CLASRP: variants seen among roughly 807,000 people sequenced by gnomAD.
CLASRP encodes CLK4 associating serine/arginine rich protein.
Under a neutral mutation model 99.9 loss-of-function variants are expected in CLASRP, and 52 were observed. The ratio of observed to expected loss-of-function variants is 0.52; its 90% CI spans 0.42 to 0.66. The LOEUF is 0.66. CLASRP is among the 30% of genes least tolerant of loss of function. The pLI is 0.00. For missense variants in CLASRP, 848 were observed against 999.2 expected, an observed-to-expected ratio of 0.85 and a Z score of 2.04; for synonymous variants, 379 against 373.0, an observed-to-expected ratio of 1.02 and a Z score of -0.18.
chr19:45,066,799 GGAGAGTCCCACCAGTGTCCT>G lies in CLASRP; in HGVS notation c.1410-534_1410-515del, dbSNP rs576336103. On this transcript the variant is annotated intron_variant, in intron 13 of 20. Transcript: ENST00000221455. ...GCCAGCCTGAGAGTGGGCAGTGGGT[GGAGAGTCCCACCAGTGTCCT>G]GAGCAGGGAGAGGATGGGGTTCCGC... 1.3e-3 allele frequency among the ~76,000 whole-genome samples: 193 copies of G among 152,168 alleles called. 1 individual carries two copies. Among genetic ancestry groups the G allele is most frequent in the African/African-American group, 4.3e-3 (180 of 41,518 alleles).
intron 13 of CLASRP, among the ~76,000 whole-genome samples, chr19:45,065,564 A>G (rs1467196926): frequency 8.4e-5 from 11 of 130,656 alleles, no homozygotes; most frequent in South Asian, 5.8e-4. Flanking sequence ...GCGTCTCAAG[A>G]AAAAAAAAAA....
chr19:45,057,646 C>A, intron 6 of CLASRP, 104 bp from the exon 7 acceptor site: 2 of 1,343,418 alleles, frequency 1.5e-6, no homozygotes, highest in Non-Finnish European at 2.1e-6. Context: ...TGAGGGAGAG[C>A]CTGAGGGGAG....
chr19:45,040,543 C>A, intron 2 of CLASRP: 1 of 402,288 alleles, frequency 2.5e-6, no homozygotes, highest in Non-Finnish European at 4.7e-6. Context: ...CCGGTGTTAG[C>A]AAGAAAAAGG....
chr19:45,053,199 G>C, intron 5 of CLASRP, 22 bp downstream of exon 5: 1 of 1,611,440 alleles, frequency 6.2e-7, no homozygotes, highest in Non-Finnish European at 8.5e-7. Flanking sequence ...GTGGGGGGAC[G>C]TGGGGTGTGG....
intron 20 of CLASRP, 85 bp from the exon 21 acceptor site, chr19:45,070,718 G>A: frequency 7.5e-7 from 1 of 1,336,212 alleles, no homozygotes; most frequent in Non-Finnish European, 1.1e-6. Flanking sequence ...ACAGACAAGT[G>A]CCCCGATCAC....
chr19:45,055,312 G>A (rs1469269223), intron 5 of CLASRP, among the ~76,000 whole-genome samples: 1 of 152,248 alleles, frequency 6.6e-6, no homozygotes, highest in African/African-American at 2.4e-5. Flanking sequence ...AGAGCAGCCT[G>A]TGCAAAGCCC....
chr19:45,060,685 T>G lies in CLASRP; in HGVS notation c.863+58T>G. 1 of 1,360,662 alleles carries G rather than the reference T, an allele frequency of 7.3e-7. No homozygotes were observed. The highest frequency in any genetic ancestry group is 1.0e-6 in the Non-Finnish European group (1 of 1,002,650). The allele number at this position is 1,360,662 out of a possible 1,614,324, so 84.3% of individuals were successfully genotyped here. A position where few individuals can be genotyped will look rare whatever the true frequency, so the allele number is the denominator to read the frequency against. ...GCATCTGGGGGAGGAGAGCAGGGGC[T>G]TAGGGCCTGAGAAAGCTCTTTGGAG... On this transcript the variant is annotated intron_variant, in intron 10 of 20. Transcript: ENST00000221455. This position sits in a 1 kb window ranked among gnomAD's most constrained non-coding sequence, Gnocchi z 4.6.
chr19:45,055,370 C>T (rs1054443954), intron 5 of CLASRP, among the ~76,000 whole-genome samples: 1 of 152,160 alleles, frequency 6.6e-6, no homozygotes, highest in Non-Finnish European at 1.5e-5. Flanking sequence ...AGAGAAGGCC[C>T]GTGTGGCTGG....
At position 45,068,485 on chromosome 19, in the gene CLASRP, G is replaced by A. The variant is rs772055939; in HGVS notation, c.1768+5G>A. The A allele has an allele frequency of 6.2e-7, 1 of 1,604,814 alleles. No homozygotes were observed. Among genetic ancestry groups the A allele is most frequent in the Non-Finnish European group, 8.5e-7 (1 of 1,171,628 alleles). On this transcript the variant is annotated splice_donor_5th_base_variant and intron_variant, in intron 16 of 20. Coordinates refer to ENST00000221455, the MANE Select transcript of CLASRP (RefSeq NM_007056.3). ...AGAAGGCGCTGAACAGGCAGTGTAT[G>A]TTCTGCCCTGTCCCTCCAGGGTTTC...
In CLASRP at chr19:45,059,138, G is replaced by C. The variant is rs569104014; in HGVS notation, c.614-130G>C. 3.5e-5 allele frequency: 26 copies of C among 751,840 alleles called. 1 individual carries two copies. Among genetic ancestry groups the C allele is most frequent in the Admixed American group, 1.1e-4 (5 of 46,558 alleles). The allele number at this position is 751,840 out of a possible 1,614,324, so 46.6% of individuals were successfully genotyped here. ...GGGCATGCCAAGATGAGCCAGACTT[G>C]ATGCCATCCCTTCCTGAAGAATCCC... On this transcript the variant is annotated intron_variant, in intron 7 of 20. Coordinates refer to ENST00000221455, the MANE Select transcript of CLASRP (RefSeq NM_007056.3).
intron 2 of CLASRP, 42 bp downstream of exon 2, chr19:45,040,353 T>TG (rs1236331888): frequency 3.5e-6 from 5 of 1,411,064 alleles, no homozygotes; most frequent in Non-Finnish European, 4.9e-6. Context: ...GACCCTGGGT[T>TG]GGGGGGCACA....
At chr19:45,069,992 C>T (rs200752395) in intron 18 of CLASRP, 30 bp from the exon 19 acceptor site, 76 of 1,316,522 alleles carry the variant, frequency 5.8e-5, no homozygotes, top group South Asian at 7.0e-5. Context: ...CCAGTGTTCC[C>T]GGCCAGATGC....
chr19:45,064,187 C>T lies in CLASRP; in HGVS notation c.1081C>T (p.Gln361Ter), dbSNP rs761752103. 1.2e-6 allele frequency: 2 copies of T among 1,607,020 alleles called. No homozygotes were observed. Among genetic ancestry groups the T allele is most frequent in the Non-Finnish European group, 1.7e-6 (2 of 1,177,712 alleles). The change falls in exon 12 of 21, where the codon CAG (glutamine) becomes TAG (stop). Residue 361 changes from glutamine to a stop codon, truncating the protein, a stop_gained. Transcript: ENST00000221455. LOFTEE classifies it high-confidence loss of function. ...VTTGKPPAPPQPGGPAPGRNA... is the reference protein window; with the variant it reads ...VTTGKPPAPP ...CACAGGGAAGCCCCCCGCACCTCCCCAGCCTGGCGGCCCCGCCCCGGGACG... is the reference window on the plus strand; with the variant it reads ...CACAGGGAAGCCCCCCGCACCTCCCTAGCCTGGCGGCCCCGCCCCGGGACG...
chr19:45,047,428 A>AC (rs1568412159), intron 2 of CLASRP: 1 of 151,524 alleles, frequency 6.6e-6, no homozygotes, highest in Non-Finnish European at 1.5e-5. Flanking sequence ...AAAAAAAAAA[A>AC]AAACAGAGAG....
chr19:45,064,257 G>T (rs767408793), intron 12 of CLASRP, 30 bp downstream of exon 12: 2 of 1,549,944 alleles, frequency 1.3e-6, no homozygotes, highest in South Asian at 2.4e-5. Context: ...CCCGCCCTAC[G>T]CCCCGGTCAC....
Position 45,064,641 on chromosome 19 carries a change from C to A in CLASRP, c.1409+11C>A. 1 of 1,540,154 alleles carries A rather than the reference C, an allele frequency of 6.5e-7. No homozygotes were observed. The highest frequency in any genetic ancestry group is 1.9e-5 in the Admixed American group (1 of 53,222). ...CCGGCGCAGAAGCAGGTGTGTGTGG[C>A]TGGGCGTGGAGGTGGGAGGGGCTGG... On this transcript the variant is annotated intron_variant, in intron 13 of 20. Transcript: ENST00000221455.
chr19:45,067,671 G>T lies in CLASRP; in HGVS notation c.1667+77G>T. ...GTGAACATCACTGTTTTCTTTTTGA[G>T]GGGAACTTAGCCCTACCCTGGGAGG... is the stretch of plus-strand genomic sequence containing the variant. On this transcript the variant is annotated intron_variant, in intron 14 of 20. Coordinates refer to ENST00000221455, the MANE Select transcript of CLASRP (RefSeq NM_007056.3). This position sits in a 1 kb window ranked among gnomAD's most constrained non-coding sequence, Gnocchi z 4.9. The T allele has an allele frequency of 7.3e-7, 1 of 1,361,926 alleles. No homozygotes were observed. The highest frequency in any genetic ancestry group is 2.4e-5 in the East Asian group (1 of 41,468). The allele number at this position is 1,361,926 out of a possible 1,614,324, so 84.4% of individuals were successfully genotyped here.
intron 7 of CLASRP, 87 bp downstream of exon 7, chr19:45,057,985 G>A (rs951031068): frequency 1.9e-6 from 3 of 1,546,230 alleles, no homozygotes; most frequent in Non-Finnish European, 2.6e-6. Context: ...GGCACCCCGT[G>A]CTTACGAACC....
intron 15 of CLASRP, 92 bp downstream of exon 15, chr19:45,068,146 G>A: frequency 8.3e-7 from 1 of 1,202,616 alleles, no homozygotes; most frequent in South Asian, 1.2e-5. Context: ...GGCCCGGGTG[G>A]GCTGGGAGAT....
Sources: allele counts gnomAD v4.1 joint callset (sites outside exome capture counted in the v4.1 genomes callset), GRCh38; gene constraint gnomAD v4.1.1; non-coding constraint Gnocchi (gnomAD v3.1); transcripts MANE v1.5; gene names NCBI Gene and HGNC (gene_info 2026-07-23, HGNC 2026-07-21).